The following CATSPERB variants were observed in gnomAD, a reference collection of about 807,000 sequenced individuals.
The protein encoded by CATSPERB is catsper channel auxiliary subunit beta, also known as cation channel sperm-associated auxiliary subunit beta.
A neutral mutation model predicts 128.3 loss-of-function variants in CATSPERB; 93 were observed. That is an observed-to-expected ratio of 0.72 (90% CI 0.61 to 0.86). The LOEUF is 0.86. Ranked by LOEUF, CATSPERB falls within the 40% of genes least tolerant of loss-of-function variation. The pLI, the probability that CATSPERB is intolerant of heterozygous loss-of-function variation, is 0.00. For missense variants in CATSPERB, 1,153 were observed against 1,329.5 expected (o/e 0.87, Z 2.06); for synonymous variants, 381 against 448.8 (o/e 0.85, Z 1.91).
At position 91,606,478 on chromosome 14, in the gene CATSPERB, G is replaced by A. The variant is rs571677163; in HGVS notation, c.2709+1816C>T. The stretch of plus-strand genomic sequence containing the variant: ...CTCAGGGGCCTGAGGCAGGAGAATC[G>A]CTTGAACCCCTGAGGCGGAGGTTGC... On this transcript the variant is annotated intron_variant, in intron 22 of 26. Coordinates refer to ENST00000256343, the MANE Select transcript of CATSPERB (RefSeq NM_024764.4). Among the ~76,000 whole-genome samples the A allele has an allele frequency of 3.9e-5, 6 of 152,148 alleles. No individual in the cohort carries two copies. In the East Asian group the frequency reaches 9.7e-4, roughly 25 times the overall value.
At chr14:91,603,854 G>A (rs1324980249) in intron 22 of CATSPERB, among the ~76,000 whole-genome samples, 2 of 152,106 alleles carry the variant, frequency 1.3e-5, no homozygotes, top group South Asian at 2.1e-4. Context: ...CATCATACAT[G>A]AGGCCTCACC....
intron 10 of CATSPERB, among the ~76,000 whole-genome samples, chr14:91,687,950 CA>C (rs11404420): frequency 0.022 from 2,601 of 117,060 alleles, 25 homozygotes; most frequent in South Asian, 0.069. Flanking sequence ...GAGAGTGTCT[CA>C]AAAAAAAAAA....
chr14:91,707,362 T>C (rs1895749148), intron 6 of CATSPERB, among the ~76,000 whole-genome samples: 1 of 152,210 alleles, frequency 6.6e-6, no homozygotes, highest in Admixed American at 6.5e-5. Flanking sequence ...TTTATATTGA[T>C]ATTTCAGTAG....
intron 5 of CATSPERB, among the ~76,000 whole-genome samples, chr14:91,713,590 T>C (rs1895880373): frequency 6.6e-6 from 1 of 152,202 alleles, no homozygotes; most frequent in Non-Finnish European, 1.5e-5. Context: ...GACATTTTCT[T>C]TGAAAGACAC....
intron 7 of CATSPERB, among the ~76,000 whole-genome samples, chr14:91,697,736 A>G (rs944828317): frequency 7.9e-5 from 12 of 152,084 alleles, no homozygotes; most frequent in Non-Finnish European, 1.6e-4. Context: ...CCATTGGTCT[A>G]TGTGTCTGGT....
chr14:91,607,096 G>T (rs1388614405), intron 22 of CATSPERB, among the ~76,000 whole-genome samples: 2 of 96,054 alleles, frequency 2.1e-5, no homozygotes, highest in African/African-American at 3.9e-5. Flanking sequence ...GGGGGGGGGG[G>T]GGCGGTGAAT....
intron 4 of CATSPERB, among the ~76,000 whole-genome samples, chr14:91,720,815 C>T (rs935554966): frequency 2.0e-5 from 3 of 152,036 alleles, no homozygotes; most frequent in African/African-American, 2.4e-5. Context: ...TTCATGCTTC[C>T]TGATTTCAAA....
Position 91,604,508 on chromosome 14 carries a change from C to G in CATSPERB, c.2709+3786G>C. The G allele has an allele frequency of 1.9e-6, 3 of 1,602,600 alleles. No homozygotes were observed. The South Asian group carries it at 3.3e-5, about 18-fold the overall frequency. ...CTGCTGTATTACATTATGGCCTTCC[C>G]CAGCAGCTTCCAAGGCAGCCTCCAA... is the stretch of plus-strand genomic sequence containing the variant. On this transcript the variant is annotated intron_variant, in intron 22 of 26. Transcript: ENST00000256343.
chr14:91,654,052 C>A (rs1329113420), intron 15 of CATSPERB, among the ~76,000 whole-genome samples: 2 of 151,610 alleles, frequency 1.3e-5, no homozygotes, highest in Non-Finnish European at 2.9e-5. Context: ...GTGGGAAGAA[C>A]AGAAGAAGAA....
At chr14:91,620,273 T>C (rs1033146568) in intron 19 of CATSPERB, among the ~76,000 whole-genome samples, 3 of 152,118 alleles carry the variant, frequency 2.0e-5, no homozygotes, top group African/African-American at 7.2e-5. Flanking sequence ...CTTTCTTTAA[T>C]GGTCTCCATT....
chr14:91,606,509 G>A (rs1040122296), intron 22 of CATSPERB, among the ~76,000 whole-genome samples: 2 of 152,286 alleles, frequency 1.3e-5, no homozygotes, highest in East Asian at 3.9e-4. Flanking sequence ...GTTGCAGTGA[G>A]CTGAGATCAC....
rs1895391006 is a variant in CATSPERB at position 91,687,217 on chromosome 14, T to C, written c.865-3274A>G. On this transcript the variant is annotated intron_variant, in intron 10 of 26. Coordinates refer to ENST00000256343, the MANE Select transcript of CATSPERB (RefSeq NM_024764.4). Reference sequence around the variant, plus strand: ...TTCTCAGTCTATATCTTTTTGTAACTTTTTTAGTTTTTAACTATGTGAATG... The same window carrying C: ...TTCTCAGTCTATATCTTTTTGTAACCTTTTTAGTTTTTAACTATGTGAATG... Among the ~76,000 whole-genome samples, 6 of 152,188 alleles carry C rather than the reference T, an allele frequency of 3.9e-5. No individual in the cohort carries two copies. The South Asian group carries it at 1.2e-3, about 31-fold the overall frequency.
intron 14 of CATSPERB, among the ~76,000 whole-genome samples, chr14:91,660,285 C>G (rs1395099667): frequency 6.6e-6 from 1 of 152,134 alleles, no homozygotes; most frequent in African/African-American, 2.4e-5. Context: ...CTATGATCTC[C>G]CAAATAATTC....
intron 17 of CATSPERB, among the ~76,000 whole-genome samples, chr14:91,631,258 A>G (rs1894272394): frequency 6.6e-6 from 1 of 152,250 alleles, no homozygotes. Flanking sequence ...AGGCACTCAA[A>G]TATTCATTGA....
At chr14:91,620,485 C>T (rs1485948881) in intron 19 of CATSPERB, among the ~76,000 whole-genome samples, 4 of 152,082 alleles carry the variant, frequency 2.6e-5, no homozygotes, top group Non-Finnish European at 4.4e-5. Flanking sequence ...CCCTTTCTCC[C>T]CTACTCCCTC....
chr14:91,712,209 T>C (rs1029508763), intron 5 of CATSPERB, among the ~76,000 whole-genome samples: 1 of 152,112 alleles, frequency 6.6e-6, no homozygotes, highest in Non-Finnish European at 1.5e-5. Flanking sequence ...GTATAAATAA[T>C]GAATATAATT....
At chr14:91,731,083 A>G (rs934902848) in intron 1 of CATSPERB, among the ~76,000 whole-genome samples, 6 of 152,360 alleles carry the variant, frequency 3.9e-5, no homozygotes, top group South Asian at 2.1e-4. Flanking sequence ...GAAAAATCTT[A>G]TATCACTTTG....
intron 20 of CATSPERB, among the ~76,000 whole-genome samples, chr14:91,614,342 C>T (rs1893894959): frequency 6.6e-6 from 1 of 152,056 alleles, no homozygotes; most frequent in Admixed American, 6.6e-5. Flanking sequence ...TTTTAAATAC[C>T]CAAAATGTTA....
In CATSPERB at chr14:91,591,711, G is replaced by A. The variant is rs925538428; in HGVS notation, c.2820+181C>T. Among the ~76,000 whole-genome samples the A allele has an allele frequency of 3.3e-5, 5 of 151,994 alleles. No homozygotes were observed. The South Asian group carries it at 1.0e-3, about 32-fold the overall frequency. Reference sequence around the variant, plus strand: ...ATTATTGTTTTATTTTACCGATGAGGTTCATTAACTTGCAAGGTACATTTA... The same window carrying A: ...ATTATTGTTTTATTTTACCGATGAGATTCATTAACTTGCAAGGTACATTTA... On this transcript the variant is annotated intron_variant, in intron 23 of 26. Transcript: ENST00000256343.
Sources: allele counts gnomAD v4.1 joint callset (sites outside exome capture counted in the v4.1 genomes callset), GRCh38; gene constraint gnomAD v4.1.1; transcripts MANE v1.5; gene names NCBI Gene and HGNC (gene_info 2026-07-23, HGNC 2026-07-21).